Variants in CSMD3 observed in about 807,000 individuals in gnomAD.
CSMD3 encodes the protein CUB and sushi domain-containing protein 3.
In CSMD3, 177 loss-of-function variants were observed where a neutral mutation model predicts 435.2. The ratio of observed to expected loss-of-function variants is 0.41; its 90% CI spans 0.36 to 0.46. The LOEUF (loss-of-function observed/expected upper bound fraction) is 0.46, where lower values mean the gene tolerates loss of function less well. Among genes scored for constraint, CSMD3 ranks in the 20% least tolerant of loss-of-function variants. The pLI is 0.34. For synonymous variants in CSMD3, 1,656 were observed against 1,520.5 expected, an observed-to-expected ratio of 1.09 and a Z score of -2.07; for missense variants, 4,265 against 4,504.6, an observed-to-expected ratio of 0.95 and a Z score of 1.52.
At chr8:112,497,081 CT>C (rs1439029618) in intron 30 of CSMD3, among the ~76,000 whole-genome samples, 4 of 151,884 alleles carry the variant, frequency 2.6e-5, no homozygotes, top group Non-Finnish European at 5.9e-5. Context: ...ATGTATATAC[CT>C]ACTATGTACC....
At position 113,048,142 on chromosome 8, in the gene CSMD3, G is replaced by T. The variant is rs552410321; in HGVS notation, c.918-28963C>A. Among the ~76,000 whole-genome samples, 81 of 149,504 alleles carry T rather than the reference G, an allele frequency of 5.4e-4. 1 individual carries two copies. The South Asian group carries it at 0.017, about 31-fold the overall frequency. ...GAGTCTCGCTCTGTCGCCCAGGCTG[G>T]AGTGCAGTGGCGCGATCTCGGCTCA... On this transcript the variant is annotated intron_variant, in intron 5 of 70. Transcript: ENST00000297405.
rs1173445550 is a variant in CSMD3 at position 113,436,866 on chromosome 8, G to T, written c.-12C>A. The T allele has an allele frequency of 1.2e-6, 2 of 1,613,586 alleles. No homozygotes were observed. Among genetic ancestry groups the T allele is most frequent in the Non-Finnish European group, 1.7e-6 (2 of 1,180,002 alleles). Reference sequence around the variant, plus strand: ...CGGATCCCTTTCATATTATTCGCGAGCTCCTAATTCCTGCTCCTCAGCCCG... The same window carrying T: ...CGGATCCCTTTCATATTATTCGCGATCTCCTAATTCCTGCTCCTCAGCCCG... On this transcript the variant is annotated 5_prime_UTR_variant, in exon 1 of 71. Transcript: ENST00000297405.
At chr8:113,291,763 A>G (rs1438450619) in intron 2 of CSMD3, among the ~76,000 whole-genome samples, 1 of 151,938 alleles carries the variant, frequency 6.6e-6, no homozygotes, top group Non-Finnish European at 1.5e-5. Context: ...ATAAAGTCAG[A>G]GAGAGGGAAT....
At chr8:113,356,976 T>C (rs146604213) in intron 1 of CSMD3, among the ~76,000 whole-genome samples, 1 of 152,260 alleles carries the variant, frequency 6.6e-6, no homozygotes, top group African/African-American at 2.4e-5. Flanking sequence ...CTGGATATTA[T>C]TAATAAAATA....
intron 17 of CSMD3, among the ~76,000 whole-genome samples, chr8:112,663,682 A>C (rs1284604411): frequency 6.6e-6 from 1 of 152,082 alleles, no homozygotes; most frequent in South Asian, 2.1e-4. Flanking sequence ...GGGATTGGAG[A>C]GATACAAGCA....
chr8:112,604,826 A>G (rs1832666690), intron 22 of CSMD3, among the ~76,000 whole-genome samples: 1 of 152,214 alleles, frequency 6.6e-6, no homozygotes, highest in Non-Finnish European at 1.5e-5. Context: ...AGCAAAAGAA[A>G]GTATTAACTG....
intron 3 of CSMD3, among the ~76,000 whole-genome samples, chr8:113,195,056 A>C (rs892548352): frequency 1.3e-5 from 2 of 151,154 alleles, no homozygotes; most frequent in Non-Finnish European, 3.0e-5. Flanking sequence ...TTGTGCCTCT[A>C]CTTCACTGAC....
In CSMD3 at chr8:112,343,017, T is replaced by TTTA. The variant is rs1563815801; in HGVS notation, c.6443-1332_6443-1331insTAA. On this transcript the variant is annotated intron_variant, in intron 41 of 70. Transcript: ENST00000297405. ...TATATATATTTATATATATATATAT[T>TTTA]TATATATATATATATAGTTTAAATA... Among the ~76,000 whole-genome samples, 307 of 52,492 alleles carry TTTA rather than the reference T, an allele frequency of 5.8e-3. 5 individuals carry two copies. The highest frequency in any genetic ancestry group is 0.041 in the East Asian group (93 of 2,264). 34.4% of individuals were successfully genotyped at this position (52,492 alleles called of 152,430 possible). A position where few individuals can be genotyped will look rare whatever the true frequency, so the allele number is the denominator to read the frequency against.
At chr8:112,488,372 G>A (rs984669833) in intron 31 of CSMD3, among the ~76,000 whole-genome samples, 1 of 152,146 alleles carries the variant, frequency 6.6e-6, no homozygotes, top group Non-Finnish European at 1.5e-5. Flanking sequence ...TGCTCTTCTA[G>A]GGTGCGACTA....
chr8:113,059,704 A>C (rs1157017926), intron 5 of CSMD3, among the ~76,000 whole-genome samples: 1 of 152,170 alleles, frequency 6.6e-6, no homozygotes, highest in African/African-American at 2.4e-5. Flanking sequence ...ACTATGAATC[A>C]CTTTAAAGAT....
chr8:112,512,564 A>C (rs1361096685), intron 28 of CSMD3, among the ~76,000 whole-genome samples: 1 of 152,192 alleles, frequency 6.6e-6, no homozygotes, highest in Non-Finnish European at 1.5e-5. Context: ...GTGTAAACAG[A>C]TGTGCCGTTA....
At chr8:113,408,571 A>G (rs2094543328) in intron 1 of CSMD3, among the ~76,000 whole-genome samples, 1 of 152,086 alleles carries the variant, frequency 6.6e-6, no homozygotes, top group South Asian at 2.1e-4. Context: ...AAATAAAGGT[A>G]TTGACTAAGA....
intron 4 of CSMD3, among the ~76,000 whole-genome samples, chr8:113,146,738 T>C (rs2091683672): frequency 6.6e-6 from 1 of 151,604 alleles, no homozygotes; most frequent in Non-Finnish European, 1.5e-5. Context: ...GTCATTTTAT[T>C]TATACTGGCC....
At chr8:113,078,586 G>A (rs1385613659) in intron 5 of CSMD3, among the ~76,000 whole-genome samples, 2 of 152,056 alleles carry the variant, frequency 1.3e-5, no homozygotes, top group African/African-American at 4.8e-5. Flanking sequence ...TAGTCATTTT[G>A]CTCTTACATA....
rs1045761840 is a variant in CSMD3 at position 112,670,709 on chromosome 8, G to A, written c.2678-4294C>T. Among the ~76,000 whole-genome samples, 20 of 152,026 alleles carry A rather than the reference G, an allele frequency of 1.3e-4. 1 individual carries two copies. Among genetic ancestry groups the A allele is most frequent in the African/African-American group, 4.6e-4 (19 of 41,412 alleles). On this transcript the variant is annotated intron_variant, in intron 16 of 70. Coordinates refer to ENST00000297405, the MANE Select transcript of CSMD3 (RefSeq NM_198123.2). ...GATGGTGATTCCATTCACCAAAATGGGAAACACGGAACAGGGAGGAGTTTC... is the reference window on the plus strand; with the variant it reads ...GATGGTGATTCCATTCACCAAAATGAGAAACACGGAACAGGGAGGAGTTTC...
intron 14 of CSMD3, 65 bp downstream of exon 14, chr8:112,689,803 A>T (rs1236599357): frequency 2.8e-6 from 4 of 1,411,000 alleles, no homozygotes; most frequent in African/African-American, 1.4e-5. Context: ...AATTAATTAC[A>T]AAAGCAATTA....
intron 7 of CSMD3, among the ~76,000 whole-genome samples, chr8:112,957,421 G>T: frequency 6.6e-6 from 1 of 152,138 alleles, no homozygotes; most frequent in Admixed American, 6.5e-5. Context: ...GCTCCTCAAA[G>T]GCAGAAAAAA....
intron 6 of CSMD3, among the ~76,000 whole-genome samples, chr8:112,984,093 A>G (rs1383114814): frequency 6.6e-6 from 1 of 152,004 alleles, no homozygotes; most frequent in Non-Finnish European, 1.5e-5. Flanking sequence ...TTCAGAAATG[A>G]TAAGAATATA....
At chr8:112,866,486 A>G (rs900424226) in intron 10 of CSMD3, among the ~76,000 whole-genome samples, 1 of 152,150 alleles carries the variant, frequency 6.6e-6, no homozygotes, top group Non-Finnish European at 1.5e-5. Context: ...TGTTATTATT[A>G]TTATTTAAAC....
Sources: allele counts gnomAD v4.1 joint callset (sites outside exome capture counted in the v4.1 genomes callset), GRCh38; gene constraint gnomAD v4.1.1; transcripts MANE v1.5; gene names NCBI Gene and HGNC (gene_info 2026-07-23, HGNC 2026-07-21).